Variants in ZNF574 observed in about 807,000 individuals in gnomAD.
ZNF574 encodes zinc finger protein 574.
ZNF574 carries 25 observed loss-of-function variants against 56.6 expected under a neutral mutation model. The observed-to-expected ratio is 0.44, with a 90% CI of 0.32 to 0.62. The LOEUF (loss-of-function observed/expected upper bound fraction) is 0.62, where lower values mean the gene tolerates loss of function less well. Ranked by LOEUF, ZNF574 falls within the 20% of genes least tolerant of loss-of-function variation. The pLI, the probability that ZNF574 is intolerant of heterozygous loss-of-function variation, is 0.04. For missense variants in ZNF574, 1,065 were observed against 1,218.9 expected (o/e 0.87, Z 1.88); for synonymous variants, 543 against 492.1 (o/e 1.10, Z -1.37).
rs1236182612 is a variant in ZNF574 at position 42,080,748 on chromosome 19, A to C, written c.2142A>C (p.Pro714=). The C allele has an allele frequency of 1.2e-6, 2 of 1,613,768 alleles. No individual in the cohort carries two copies. Among genetic ancestry groups the C allele is most frequent in the Non-Finnish European group, 1.7e-6 (2 of 1,180,030 alleles). The stretch of plus-strand genomic sequence containing the variant: ...GAGCCCCACGGGCCACTCGTGCACC[A>C]GTTGCCTCTCCAGCAGCCCTTGGAA... ...APRAPRATRA[P]VASPAALGST... Residue 714 remains proline (P), a synonymous_variant, in exon 2 of 2, where the codon CCA becomes CCC. Coordinates refer to ENST00000359044, the MANE Select transcript of ZNF574 (RefSeq NM_022752.6). The surrounding 1 kb of genome is among the most constrained non-coding windows in gnomAD (Gnocchi z 8.5).
chr19:42,072,800 G>C (rs7251466), upstream of ZNF574, among the ~76,000 whole-genome samples: 13,277 of 152,134 alleles, frequency 0.087, 779 homozygotes, highest in Middle Eastern at 0.16. Context: ...TCCTGACATC[G>C]GGTGATCGGC....
chr19:42,080,453 T>C lies in ZNF574; in HGVS notation c.1847T>C (p.Phe616Ser), dbSNP rs762180485. The C allele has an allele frequency of 6.2e-6, 10 of 1,614,136 alleles. No individual in the cohort carries two copies. Among genetic ancestry groups the C allele is most frequent in the East Asian group, 4.5e-5 (2 of 44,862 alleles). ...PYKCRECPRS[F>S]LLRRLLEVHQ... Reference sequence around the variant, plus strand: ...AAGTGTCGCGAGTGCCCCCGCTCCTTCTTGCTGCGTCGGCTGCTGGAGGTG... The same window carrying C: ...AAGTGTCGCGAGTGCCCCCGCTCCTCCTTGCTGCGTCGGCTGCTGGAGGTG... Residue 616 changes from phenylalanine to serine, a missense_variant, in exon 2 of 2, where the codon TTC (phenylalanine) becomes TCC (serine). By Grantham distance (155) the Phe-to-Ser change is radical (BLOSUM62 -2). Transcript: ENST00000359044. This position sits in a 1 kb window ranked among gnomAD's most constrained non-coding sequence, Gnocchi z 8.5.
In ZNF574 at chr19:42,078,776, C is replaced by T. The variant is rs2076473094; in HGVS notation, c.170C>T (p.Ala57Val). 6.2e-7 allele frequency: 1 copy of T among 1,613,946 alleles called. No homozygotes were observed. The highest frequency in any genetic ancestry group is 1.3e-5 in the African/African-American group (1 of 74,888). Reference sequence around the variant, plus strand: ...GTGGCTGATCCCGGAGTCACTGTGGCCACAGACACAGCTTCAGGCACGGGC... The same window carrying T: ...GTGGCTGATCCCGGAGTCACTGTGGTCACAGACACAGCTTCAGGCACGGGC... ...VGVADPGVTV[A>V]TDTASGTGLY... The change falls in exon 2 of 2, where the codon GCC becomes GTC. Residue 57 changes from alanine to valine, a missense_variant. Coordinates refer to ENST00000359044, the MANE Select transcript of ZNF574 (RefSeq NM_022752.6).
In ZNF574 at chr19:42,079,330, C is replaced by T. The variant is rs779508678; in HGVS notation, c.724C>T (p.Pro242Ser). The T allele has an allele frequency of 1.9e-6, 3 of 1,613,446 alleles. No individual in the cohort carries two copies. The African/African-American group carries it at 4.0e-5, about 22-fold the overall frequency. The change falls in exon 2 of 2, where the codon CCC becomes TCC. Residue 242 changes from proline to serine, a missense_variant. Transcript: ENST00000359044. The surrounding 1 kb of genome is among the most constrained non-coding windows in gnomAD (Gnocchi z 4.3). Reference sequence around the variant, plus strand: ...GGCCACTCACTTCCCTGCTCCTGTACCCGAGTCTCAGGAGCCTGCCTTACA... The same window carrying T: ...GGCCACTCACTTCCCTGCTCCTGTATCCGAGTCTCAGGAGCCTGCCTTACA... Reference protein sequence around the residue: ...HQATHFPAPVPESQEPALQQE... With the variant: ...HQATHFPAPVSESQEPALQQE...
In ZNF574 at chr19:42,079,564, T is replaced by C; in HGVS notation, c.958T>C (p.Ser320Pro). The change falls in exon 2 of 2, where the codon TCA becomes CCA. Residue 320 changes from serine (S) to proline (P), a missense_variant. Ser to Pro is a moderately conservative substitution (Grantham distance 74). Transcript: ENST00000359044. The surrounding 1 kb of genome is among the most constrained non-coding windows in gnomAD (Gnocchi z 4.3). ...CTCAGCCTGTGACCAGCTCTTTCTC[T>C]CACCCCACCAGCTACAGCAGCACCT... ...FCSACDQLFL[S>P]PHQLQQHLRS... 6.2e-7 allele frequency: 1 copy of C among 1,614,116 alleles called. No homozygotes were observed.
At chr19:42,069,163 C>T in intron 1 of ZNF574, 2 of 391,324 alleles carry the variant, frequency 5.1e-6, no homozygotes, top group Non-Finnish European at 9.0e-6. Context: ...GAATGTGGTG[C>T]CCCCCTGCCA....
rs556972498 is a variant in ZNF574 at position 42,080,383 on chromosome 19, C to T, written c.1777C>T (p.Arg593Cys). ...ECGVRFHRPYRLLMHRYHHTG... is the reference protein window; with the variant it reads ...ECGVRFHRPYCLLMHRYHHTG... ...TGGGGTGCGTTTTCACCGTCCTTAC[C>T]GCCTGCTCATGCACCGCTACCATCA... The change falls in exon 2 of 2, where the codon CGC (arginine) becomes TGC (cysteine). Residue 593 changes from arginine to cysteine, a missense_variant. By Grantham distance (180) the Arg-to-Cys change is radical. Coordinates refer to ENST00000359044, the MANE Select transcript of ZNF574 (RefSeq NM_022752.6). The surrounding 1 kb of genome is among the most constrained non-coding windows in gnomAD (Gnocchi z 8.5). 6.8e-6 allele frequency: 11 copies of T among 1,614,240 alleles called. No homozygotes were observed. The highest frequency in any genetic ancestry group is 2.2e-5 in the East Asian group (1 of 44,888).
chr19:42,077,493 A>T (rs1357542897), intron 1 of ZNF574, among the ~76,000 whole-genome samples: 2 of 152,036 alleles, frequency 1.3e-5, no homozygotes, highest in Non-Finnish European at 2.9e-5. Flanking sequence ...CCTGAGATGG[A>T]TTTGAGGGGG....
At chr19:42,076,601 A>C (rs1241789162) in intron 1 of ZNF574, among the ~76,000 whole-genome samples, 2 of 152,086 alleles carry the variant, frequency 1.3e-5, no homozygotes, top group African/African-American at 2.4e-5. Flanking sequence ...GCGGCTCCCC[A>C]GGGTTTGGGG....
rs569304686 is a variant in ZNF574 at position 42,080,859 on chromosome 19, G to C, written c.2253G>C (p.Thr751=). 3.3e-5 allele frequency: 54 copies of C among 1,614,022 alleles called. No individual in the cohort carries two copies. The South Asian group carries it at 5.6e-4, about 17-fold the overall frequency. ...SECKKLFSTE[T]SLQVHRRIHT... Reference sequence around the variant, plus strand: ...GCAAGAAGCTGTTCAGCACAGAGACGTCACTGCAGGTGCACCGGCGCATCC... The same window carrying C: ...GCAAGAAGCTGTTCAGCACAGAGACCTCACTGCAGGTGCACCGGCGCATCC... Residue 751 remains threonine, a synonymous_variant, in exon 2 of 2, where the codon ACG becomes ACC. Coordinates refer to ENST00000359044, the MANE Select transcript of ZNF574 (RefSeq NM_022752.6). The surrounding 1 kb of genome is among the most constrained non-coding windows in gnomAD (Gnocchi z 8.5).
At chr19:42,070,807 G>A (rs1252387902) in intron 1 of ZNF574, 2 of 152,618 alleles carry the variant, frequency 1.3e-5, no homozygotes, top group South Asian at 2.1e-4. Flanking sequence ...CCTCAGATAT[G>A]GGGAGCGGTC....
intron 1 of ZNF574, among the ~76,000 whole-genome samples, chr19:42,077,925 T>TG (rs761874399): frequency 1.3e-4 from 20 of 151,914 alleles, no homozygotes; most frequent in Admixed American, 5.2e-4. Flanking sequence ...AAAATTTGAC[T>TG]GGGGGGAAGG....
upstream of ZNF574, chr19:42,074,757 TCTCA>T (rs1277985891): frequency 6.6e-6 from 1 of 152,206 alleles, no homozygotes. Flanking sequence ...TGGCCCCGGG[TCTCA>T]CTGTGAGACG....
At chr19:42,075,799 G>C (rs550111754), upstream of ZNF574, among the ~76,000 whole-genome samples, 1 of 127,380 alleles carries the variant, frequency 7.9e-6, no homozygotes, top group Admixed American at 8.5e-5. Flanking sequence ...ACTCCCTCAC[G>C]GCGTCCCCAA....
At position 42,081,138 on chromosome 19, in the gene ZNF574, T is replaced by TCAG. The variant is rs1304882437; in HGVS notation, c.2541_2543dup (p.Gln847dup). On this transcript the variant is annotated inframe_insertion, in exon 2 of 2. Transcript: ENST00000359044. ...ACCTCTGGAAGCACCGCAAGACCCA[T>TCAG]CAGCAGCAGCATCAGGCAGCTGTGC... 1 of 1,614,110 alleles carries TCAG rather than the reference T, an allele frequency of 6.2e-7. No homozygotes were observed. The highest frequency in any genetic ancestry group is 8.5e-7 in the Non-Finnish European group (1 of 1,180,040).
At chr19:42,069,082 C>T (rs911053806) in intron 1 of ZNF574, 14 of 453,144 alleles carry the variant, frequency 3.1e-5, no homozygotes, top group African/African-American at 1.0e-4. Context: ...GGTGAATGGA[C>T]GCTGAGGAGA....
In ZNF574 at chr19:42,080,783, C is replaced by T. The variant is rs762920640; in HGVS notation, c.2177C>T (p.Thr726Ile). The change falls in exon 2 of 2, where the codon ACA becomes ATA. Residue 726 changes from threonine (T) to isoleucine (I), a missense_variant. Physicochemically the swap from Thr to Ile is moderately conservative, Grantham distance 89. Transcript: ENST00000359044. The surrounding 1 kb of genome is among the most constrained non-coding windows in gnomAD (Gnocchi z 8.5). ...ASPAALGSTA[T>I]ASPAAPARRR... ...CCAGCAGCCCTTGGAAGCACTGCTACAGCATCCCCTGCGGCCCCTGCCCGC... is the reference window on the plus strand; with the variant it reads ...CCAGCAGCCCTTGGAAGCACTGCTATAGCATCCCCTGCGGCCCCTGCCCGC... 3.1e-6 allele frequency: 5 copies of T among 1,614,026 alleles called. No individual in the cohort carries two copies. Among genetic ancestry groups the T allele is most frequent in the Non-Finnish European group, 2.5e-6 (3 of 1,180,024 alleles).
In ZNF574 at chr19:42,078,696, G is replaced by C. The variant is rs766967922; in HGVS notation, c.90G>C (p.Glu30Asp). Residue 30 changes from glutamate (E) to aspartate (D), a missense_variant, in exon 2 of 2, where the codon GAG (glutamate) becomes GAC (aspartate). Physicochemically the swap from Glu to Asp is conservative, Grantham distance 45 (BLOSUM62 2). Transcript: ENST00000359044. ...ACCAGCTGTATGGATCACTGGAAGA[G>C]GTGCTTATGCACCAAAACTCCCACG... ...ECNQLYGSLE[E>D]VLMHQNSHVP... 11 of 1,614,050 alleles carry C rather than the reference G, an allele frequency of 6.8e-6. No homozygotes were observed. Among genetic ancestry groups the C allele is most frequent in the Non-Finnish European group, 8.5e-7 (1 of 1,179,980 alleles).
chr19:42,079,196 C>G lies in ZNF574; in HGVS notation c.590C>G (p.Ser197Cys). Residue 197 changes from serine to cysteine, a missense_variant, in exon 2 of 2, where the codon TCT becomes TGT. Transcript: ENST00000359044. The surrounding 1 kb of genome is among the most constrained non-coding windows in gnomAD (Gnocchi z 4.3). ...GGTGGGGAAGGGGCGACTGTCCCAT[C>G]TGCCGCTGCCACCACCACTGAGGTA... ...EEGGEGATVP[S>C]AAATTTEVVT... The G allele has an allele frequency of 1.9e-6, 3 of 1,613,982 alleles. No homozygotes were observed. In the African/African-American group the frequency reaches 4.0e-5, roughly 22 times the overall value.
Sources: allele counts gnomAD v4.1 joint callset (sites outside exome capture counted in the v4.1 genomes callset), GRCh38; gene constraint gnomAD v4.1.1; non-coding constraint Gnocchi (gnomAD v3.1); transcripts MANE v1.5; gene names NCBI Gene and HGNC (gene_info 2026-07-23, HGNC 2026-07-21).